Variants in BCL7A observed in about 807,000 individuals in gnomAD.
BCL7A encodes B-cell CLL/lymphoma 7 protein family member A.
In BCL7A, 11 loss-of-function variants were observed where a neutral mutation model predicts 28.4. That is an observed-to-expected ratio of 0.39 (90% CI 0.24 to 0.64). The LOEUF (loss-of-function observed/expected upper bound fraction) is 0.64, where lower values mean the gene tolerates loss of function less well. Among genes scored for constraint, BCL7A ranks in the 30% least tolerant of loss-of-function variants. BCL7A has a pLI of 0.50. For synonymous variants in BCL7A, 123 were observed against 103.3 expected (o/e 1.19, Z -1.15); for missense variants, 222 against 274.8 (o/e 0.81, Z 1.36).
chr12:122,034,074 G>A lies in BCL7A; in HGVS notation c.175-1257G>A, dbSNP rs553774453. On this transcript the variant is annotated intron_variant, in intron 2 of 5. Coordinates refer to ENST00000261822, the MANE Select transcript of BCL7A (RefSeq NM_001024808.3). ...GCCAGGTTTTGTTTATCCTTCTAAA[G>A]GGAGACTTCGCTCGCAAACATGCAT... 3.4e-5 allele frequency among the ~76,000 whole-genome samples: 5 copies of A among 148,298 alleles called. No individual in the cohort carries two copies. In the South Asian group the frequency reaches 1.1e-3, roughly 33 times the overall value.
intron 1 of BCL7A, among the ~76,000 whole-genome samples, chr12:122,024,154 G>C (rs538063216): frequency 1.3e-5 from 2 of 152,336 alleles, no homozygotes; most frequent in African/African-American, 4.8e-5. Flanking sequence ...AGCTTGAGGG[G>C]CTGTACCTCT....
At chr12:122,027,355 T>G in intron 1 of BCL7A, among the ~76,000 whole-genome samples, 1 of 152,356 alleles carries the variant, frequency 6.6e-6, no homozygotes, top group African/African-American at 2.4e-5. Flanking sequence ...AAAACACGCC[T>G]GTTGACTGGT....
At chr12:122,032,870 C>T (rs898771412) in intron 2 of BCL7A, among the ~76,000 whole-genome samples, 2 of 152,146 alleles carry the variant, frequency 1.3e-5, no homozygotes, top group Non-Finnish European at 2.9e-5. Flanking sequence ...CCCTCTAGGG[C>T]GATGGTTCTC....
rs1483553509 is a variant in BCL7A, at chr12:122,059,500, T to C, written c.*337T>C. 1 of 293,120 alleles carries C rather than the reference T, an allele frequency of 3.4e-6. No individual in the cohort carries two copies. The highest frequency in any genetic ancestry group is 6.5e-6 in the Non-Finnish European group (1 of 154,210). 18.2% of individuals were successfully genotyped at this position (293,120 alleles called of 1,614,324 possible). A position where few individuals can be genotyped will look rare whatever the true frequency, so the allele number is the denominator to read the frequency against. ...CACTTCTCTATGTAACGATATAAGC[T>C]ATCGGAGGGTGGTACCGATCAGGAA... is the stretch of plus-strand genomic sequence containing the variant. On this transcript the variant is annotated 3_prime_UTR_variant, in exon 6 of 6. Transcript: ENST00000261822. The surrounding 1 kb of genome is among the most constrained non-coding windows in gnomAD (Gnocchi z 4.0).
At chr12:122,052,846 C>G (rs955319987) in intron 4 of BCL7A, among the ~76,000 whole-genome samples, 19 of 97,080 alleles carry the variant, frequency 2.0e-4, no homozygotes, top group Admixed American at 4.8e-4. Context: ...CCACGCCTGG[C>G]TTACTTTTGT....
intron 2 of BCL7A, among the ~76,000 whole-genome samples, chr12:122,031,019 T>G (rs780008139): frequency 3.3e-5 from 5 of 151,372 alleles, no homozygotes; most frequent in Admixed American, 6.6e-5. Flanking sequence ...AAGCTGTGTC[T>G]TCTTCTTCTT....
intron 3 of BCL7A, among the ~76,000 whole-genome samples, chr12:122,035,737 G>A (rs1272314581): frequency 1.3e-5 from 2 of 152,238 alleles, no homozygotes; most frequent in African/African-American, 4.8e-5. Context: ...AAGATTGTTT[G>A]GGCGTATGTT....
intron 1 of BCL7A, among the ~76,000 whole-genome samples, chr12:122,028,399 T>A (rs1883673551): frequency 6.6e-6 from 1 of 152,112 alleles, no homozygotes; most frequent in African/African-American, 2.4e-5. Context: ...TCCTGTGTGT[T>A]ACAAGTCAAT....
intron 3 of BCL7A, among the ~76,000 whole-genome samples, chr12:122,040,269 A>G (rs1297338746): frequency 6.6e-6 from 1 of 152,146 alleles, no homozygotes; most frequent in East Asian, 1.9e-4. Context: ...GGTGGCTCAC[A>G]CCCATAATCC....
Position 122,034,219 on chromosome 12 carries a change from A to G in BCL7A, c.175-1112A>G, listed in dbSNP as rs1396689922. Among the ~76,000 whole-genome samples, 5 of 35,848 alleles carry G rather than the reference A, an allele frequency of 1.4e-4. 1 individual carries two copies. The highest frequency in any genetic ancestry group is 0.015 in the Middle Eastern group (1 of 66). 23.5% of individuals were successfully genotyped at this position (35,848 alleles called of 152,430 possible). A position where few individuals can be genotyped will look rare whatever the true frequency, so the allele number is the denominator to read the frequency against. On this transcript the variant is annotated intron_variant, in intron 2 of 5. Transcript: ENST00000261822. The stretch of plus-strand genomic sequence containing the variant: ...TATATATATATATATATATATATAT[A>G]TATATATATATATATATATATATAT...
At chr12:122,043,769 C>T (rs1484501801) in intron 3 of BCL7A, 117 bp from the exon 4 acceptor site, 107 of 1,126,518 alleles carry the variant, frequency 9.5e-5, no homozygotes, top group South Asian at 1.5e-4. Flanking sequence ...GACCCCTCCC[C>T]GGGAGAGCTG....
At chr12:122,045,970 T>G (rs371669205) in intron 4 of BCL7A, among the ~76,000 whole-genome samples, 1 of 139,820 alleles carries the variant, frequency 7.2e-6, no homozygotes, top group South Asian at 2.3e-4. Flanking sequence ...GCGCCTGTAG[T>G]CCCAGGAGGA....
chr12:122,041,018 CCTT>C (rs1261078948), intron 3 of BCL7A, among the ~76,000 whole-genome samples: 35 of 152,172 alleles, frequency 2.3e-4, no homozygotes, highest in South Asian at 6.2e-4. Flanking sequence ...GAGCACACAT[CCTT>C]CTTTTTTTTT....
At chr12:122,041,343 C>T (rs1197051934) in intron 3 of BCL7A, among the ~76,000 whole-genome samples, 2 of 152,138 alleles carry the variant, frequency 1.3e-5, no homozygotes, top group Admixed American at 1.3e-4. Flanking sequence ...TGGCAGGTGC[C>T]CAGGTCTGTT....
rs1053739027 is a variant in BCL7A, at chr12:122,029,213, G to A, written c.93-1487G>A. 6.6e-6 allele frequency among the ~76,000 whole-genome samples: 1 copy of A among 152,166 alleles called. No homozygotes were observed. Among genetic ancestry groups the A allele is most frequent in the Non-Finnish European group, 1.5e-5 (1 of 68,026 alleles). The stretch of plus-strand genomic sequence containing the variant: ...GCACAGTCCTTGGTACATAGAAGGC[G>A]CTAGGAATGGCCACTGGTATAATAA... On this transcript the variant is annotated intron_variant, in intron 1 of 5. Transcript: ENST00000261822. This position sits in a 1 kb window ranked among gnomAD's most constrained non-coding sequence, Gnocchi z 4.3.
At chr12:122,049,854 G>A (rs1325687752) in intron 4 of BCL7A, among the ~76,000 whole-genome samples, 3 of 152,150 alleles carry the variant, frequency 2.0e-5, no homozygotes, top group Non-Finnish European at 4.4e-5. Flanking sequence ...GTCAGAGGCT[G>A]CATATGCACT....
intron 3 of BCL7A, among the ~76,000 whole-genome samples, chr12:122,043,484 C>A (rs1884002072): frequency 6.6e-6 from 1 of 152,000 alleles, no homozygotes; most frequent in South Asian, 2.1e-4. Context: ...CAGACCCCTA[C>A]CACACGGCCG....
chr12:122,023,399 T>A (rs1593019886), intron 1 of BCL7A, among the ~76,000 whole-genome samples: 1 of 151,452 alleles, frequency 6.6e-6, no homozygotes, highest in African/African-American at 2.4e-5. Flanking sequence ...CGTTTGGGGG[T>A]GTCGTTTCTC....
intron 1 of BCL7A, among the ~76,000 whole-genome samples, chr12:122,030,368 A>G (rs929600046): frequency 6.6e-6 from 1 of 152,220 alleles, no homozygotes; most frequent in African/African-American, 2.4e-5. Flanking sequence ...CGGGTGGCCC[A>G]GTCCACTGGC....
Sources: gnomAD v4.1 joint callset for allele counts (sites outside exome capture counted in the v4.1 genomes callset) on GRCh38, gnomAD v4.1.1 for gene constraint, Gnocchi (gnomAD v3.1) non-coding constraint, MANE v1.5 for transcripts, NCBI Gene and HGNC (gene_info 2026-07-23, HGNC 2026-07-21) for gene names.